PCDHGB1: variants seen among roughly 807,000 people sequenced by gnomAD.
PCDHGB1 encodes protocadherin gamma-B1.
PCDHGB1 carries 34 observed loss-of-function variants against 56.6 expected under a neutral mutation model. The ratio of observed to expected loss-of-function variants is 0.60; its 90% CI spans 0.46 to 0.80. The LOEUF (loss-of-function observed/expected upper bound fraction) is 0.80. Ranked by LOEUF, PCDHGB1 falls within the 30% of genes least tolerant of loss-of-function variation. The pLI, the probability that PCDHGB1 is intolerant of heterozygous loss-of-function variation, is 0.00. For missense variants in PCDHGB1, 1,278 were observed against 1,204.6 expected, an observed-to-expected ratio of 1.06 and a Z score of -0.90; for synonymous variants, 561 against 505.9, an observed-to-expected ratio of 1.11 and a Z score of -1.46.
chr5:141,355,152 C>T (rs533009974), intron 1 of PCDHGB1: 264 of 1,548,788 alleles, frequency 1.7e-4, no homozygotes, highest in African/African-American at 1.2e-3. Flanking sequence ...CTCCTCAGGC[C>T]TCGACAGAGG....
At chr5:141,359,614 T>C (rs76024050) in intron 1 of PCDHGB1, among the ~76,000 whole-genome samples, 89 of 151,982 alleles carry the variant, frequency 5.9e-4, no homozygotes, top group African/African-American at 2.0e-3. Context: ...CAGAATATGG[T>C]ATGTTGTATG....
At position 141,485,929 on chromosome 5, in the gene PCDHGB1, G is replaced by A; in HGVS notation, c.2410-8878G>A. 1 of 1,614,150 alleles carries A rather than the reference G, an allele frequency of 6.2e-7. No homozygotes were observed. The highest frequency in any genetic ancestry group is 8.5e-7 in the Non-Finnish European group (1 of 1,180,036). ...AATCCAGCTACAGGATTAGTGTGTT[G>A]GAGAGCGCACCAGCGGGCATGGTGC... On this transcript the variant is annotated intron_variant, in intron 1 of 3. Coordinates refer to ENST00000523390, the MANE Select transcript of PCDHGB1 (RefSeq NM_018922.3). This position sits in a 1 kb window ranked among gnomAD's most constrained non-coding sequence, Gnocchi z 5.7.
chr5:141,463,097 C>A (rs1333118215), intron 1 of PCDHGB1, among the ~76,000 whole-genome samples: 2 of 152,152 alleles, frequency 1.3e-5, no homozygotes, highest in East Asian at 3.8e-4. Context: ...CCCTATGTGA[C>A]CATCAAGAAT....
intron 3 of PCDHGB1, among the ~76,000 whole-genome samples, chr5:141,505,942 G>A (rs2099849309): frequency 6.6e-6 from 1 of 152,192 alleles, no homozygotes; most frequent in African/African-American, 2.4e-5. Flanking sequence ...AAGCCCTCAA[G>A]CAATGAAAGT....
chr5:141,375,059 G>A lies in PCDHGB1; in HGVS notation c.2409+22390G>A. On this transcript the variant is annotated intron_variant, in intron 1 of 3. Transcript: ENST00000523390. ...GGGTGTTGAAGCCCGGGATGGGCCA[G>A]GTCTTCGAGACAGAGCGAAAGTCTT... The A allele has an allele frequency of 2.5e-6, 4 of 1,614,038 alleles. No individual in the cohort carries two copies. The Admixed American group carries it at 6.7e-5, about 27-fold the overall frequency.
chr5:141,376,556 A>C, intron 1 of PCDHGB1: 1 of 1,611,100 alleles, frequency 6.2e-7, no homozygotes, highest in Non-Finnish European at 8.5e-7. Context: ...TCTTCCCGCA[A>C]CCCAACTAAT....
intron 2 of PCDHGB1, among the ~76,000 whole-genome samples, chr5:141,496,125 T>C (rs1318749514): frequency 6.8e-6 from 1 of 146,032 alleles, no homozygotes; most frequent in Non-Finnish European, 1.5e-5. Context: ...TCCCTGCCCC[T>C]CACACACTGA....
intron 1 of PCDHGB1, among the ~76,000 whole-genome samples, chr5:141,407,382 A>G (rs1158380926): frequency 6.6e-6 from 1 of 152,218 alleles, no homozygotes; most frequent in Non-Finnish European, 1.5e-5. Context: ...GAAGGCTTGT[A>G]TGTCATGGTA....
At chr5:141,438,630 A>T (rs1232206839) in intron 1 of PCDHGB1, among the ~76,000 whole-genome samples, 1 of 38,920 alleles carries the variant, frequency 2.6e-5, no homozygotes, top group East Asian at 8.1e-4. Context: ...ATATATATAT[A>T]TATATACACA....
At chr5:141,495,104 G>C (rs552664771) in intron 2 of PCDHGB1, among the ~76,000 whole-genome samples, 16 of 152,194 alleles carry the variant, frequency 1.1e-4, no homozygotes, top group Admixed American at 8.5e-4. Flanking sequence ...CGCCACGACC[G>C]GCACCTTTTC....
Position 141,414,286 on chromosome 5 carries a change from G to T in PCDHGB1, c.2409+61617G>T, listed in dbSNP as rs2095728607. On this transcript the variant is annotated intron_variant, in intron 1 of 3. Transcript: ENST00000523390. Reference sequence around the variant, plus strand: ...AGATTCACCTCTGGGAACAGTCGTAGCCCTTTTAAATGTGCATGATTTAGA... The same window carrying T: ...AGATTCACCTCTGGGAACAGTCGTATCCCTTTTAAATGTGCATGATTTAGA... 1.2e-6 allele frequency: 2 copies of T among 1,613,466 alleles called. No homozygotes were observed. The highest frequency in any genetic ancestry group is 1.7e-6 in the Non-Finnish European group (2 of 1,179,778).
chr5:141,371,864 C>T (rs751844207), intron 1 of PCDHGB1: 1 of 1,613,570 alleles, frequency 6.2e-7, no homozygotes, highest in South Asian at 1.1e-5. Context: ...TCTCCTACTA[C>T]ATCGTGGCCA....
chr5:141,434,480 C>T (rs777049751), intron 1 of PCDHGB1, among the ~76,000 whole-genome samples: 6 of 152,194 alleles, frequency 3.9e-5, no homozygotes, highest in Non-Finnish European at 5.9e-5. Context: ...GGGCAAGGAA[C>T]ACCTGGCCCG....
Position 141,372,061 on chromosome 5 carries a change from AC to A in PCDHGB1, c.2409+19393del, listed in dbSNP as rs773665526. On this transcript the variant is annotated intron_variant, in intron 1 of 3. Coordinates refer to ENST00000523390, the MANE Select transcript of PCDHGB1 (RefSeq NM_018922.3). ...CTGCGCGTGTTGGTGGACGACCGCA[AC>A]GACAATGCACCGCTGGTGCTGTACC... 71 of 1,613,454 alleles carry A rather than the reference AC, an allele frequency of 4.4e-5. No homozygotes were observed. The African/African-American group carries it at 9.1e-4, about 21-fold the overall frequency.
intron 1 of PCDHGB1, among the ~76,000 whole-genome samples, chr5:141,465,592 A>G (rs1485357197): frequency 6.6e-6 from 1 of 152,046 alleles, no homozygotes; most frequent in Non-Finnish European, 1.5e-5. Flanking sequence ...TAATAATCAG[A>G]TCTTATCACT....
intron 1 of PCDHGB1, among the ~76,000 whole-genome samples, chr5:141,464,151 G>A (rs2099076865): frequency 6.6e-6 from 1 of 151,818 alleles, no homozygotes; most frequent in Non-Finnish European, 1.5e-5. Flanking sequence ...TGTAGTCCCA[G>A]CTACTTGGAA....
chr5:141,353,548 C>T (rs1759315194), intron 1 of PCDHGB1, among the ~76,000 whole-genome samples: 2 of 152,166 alleles, frequency 1.3e-5, no homozygotes, highest in African/African-American at 4.8e-5. Context: ...AACTTTGAGT[C>T]AATATTATTC....
Position 141,367,146 on chromosome 5 carries a change from A to G in PCDHGB1, c.2409+14477A>G, listed in dbSNP as rs900796312. 2.4e-5 allele frequency: 4 copies of G among 168,774 alleles called. No individual in the cohort carries two copies. In the East Asian group the frequency reaches 5.2e-4, roughly 22 times the overall value. 10.5% of individuals were successfully genotyped at this position (168,774 alleles called of 1,614,324 possible). A position where few individuals can be genotyped will look rare whatever the true frequency, so the allele number is the denominator to read the frequency against. ...ATGTGTTTTGGAAAGGATAATGTAT[A>G]GGACTGATATTTTAGTCTACCTGAA... is the stretch of plus-strand genomic sequence containing the variant. On this transcript the variant is annotated intron_variant, in intron 1 of 3. Transcript: ENST00000523390.
intron 1 of PCDHGB1, chr5:141,388,833 T>G (rs761698912): frequency 6.2e-7 from 1 of 1,613,838 alleles, no homozygotes; most frequent in Non-Finnish European, 8.5e-7. Context: ...TTCCATAGTT[T>G]TGGAAGCAAG....
Sources: gnomAD v4.1 joint callset for allele counts (sites outside exome capture counted in the v4.1 genomes callset) on GRCh38, gnomAD v4.1.1 for gene constraint, Gnocchi (gnomAD v3.1) non-coding constraint, MANE v1.5 for transcripts, NCBI Gene and HGNC (gene_info 2026-07-23, HGNC 2026-07-21) for gene names.